FLRT1: variants seen among roughly 807,000 people sequenced by gnomAD.
FLRT1 encodes the protein fibronectin leucine rich transmembrane protein 1.
A neutral mutation model predicts 30.9 loss-of-function variants in FLRT1; 14 were observed. That is an observed-to-expected ratio of 0.45 (90% CI 0.30 to 0.71). The LOEUF is 0.71. FLRT1 is among the 30% of genes least tolerant of loss of function. FLRT1 has a pLI of 0.08. For missense variants in FLRT1, 737 were observed against 949.2 expected (o/e 0.78, Z 2.94); for synonymous variants, 368 against 430.4 (o/e 0.85, Z 1.80).
chr11:64,084,390 C>T (rs998984183), intron 1 of FLRT1, among the ~76,000 whole-genome samples: 10 of 152,144 alleles, frequency 6.6e-5, no homozygotes, highest in African/African-American at 1.4e-4. Context: ...GCTCTGCCCC[C>T]GCTGCCTGAG....
At position 64,117,515 on chromosome 11, in the gene FLRT1, G is replaced by A; in HGVS notation, c.1248G>A (p.Arg416=). The change falls in exon 3 of 3, where the codon AGG becomes AGA. Residue 416 remains arginine, a synonymous_variant. Coordinates refer to ENST00000682287, the MANE Select transcript of FLRT1 (RefSeq NM_013280.5). ...QGSLFTLKAK[R]PGLRLPDSNI... ...CCCTGTTTACCCTCAAGGCCAAAAG[G>A]CCAGGGCTGCGCCTCCCCGACTCCA... 6.2e-7 allele frequency: 1 copy of A among 1,606,922 alleles called. No homozygotes were observed. Among genetic ancestry groups the A allele is most frequent in the Non-Finnish European group, 8.5e-7 (1 of 1,175,400 alleles).
chr11:64,086,696 AGG>A (rs1375190744), intron 1 of FLRT1, among the ~76,000 whole-genome samples: 1 of 152,134 alleles, frequency 6.6e-6, no homozygotes, highest in Non-Finnish European at 1.5e-5. Flanking sequence ...GAAGACAGAG[AGG>A]GGGAGAAGGG....
rs143933813 is a variant in FLRT1 at position 64,117,680 on chromosome 11, G to T, written c.1413G>T (p.Leu471=). The stretch of plus-strand genomic sequence containing the variant: ...CTTTCCGGCTCAGTTGGCTGCGCCT[G>T]GGCCACAGCCCAGCCGTGGGCTCCA... ...ASSFRLSWLR[L]GHSPAVGSIT... Residue 471 remains leucine, a synonymous_variant, in exon 3 of 3, where the codon CTG becomes CTT. Transcript: ENST00000682287. 6.6e-5 allele frequency: 106 copies of T among 1,613,552 alleles called. No individual in the cohort carries two copies. The highest frequency in any genetic ancestry group is 1.6e-4 in the South Asian group (15 of 91,078).
chr11:64,077,632 T>C (rs1376258105), intron 1 of FLRT1, among the ~76,000 whole-genome samples: 1 of 151,912 alleles, frequency 6.6e-6, no homozygotes, highest in African/African-American at 2.4e-5. Context: ...ACAGAACTCA[T>C]AGATGGACGC....
Position 64,111,243 on chromosome 11 carries a change from G to A in FLRT1, c.-49-4976G>A, listed in dbSNP as rs528283239. 3.9e-5 allele frequency among the ~76,000 whole-genome samples: 6 copies of A among 152,360 alleles called. No individual in the cohort carries two copies. The East Asian group carries it at 1.2e-3, about 29-fold the overall frequency. The stretch of plus-strand genomic sequence containing the variant: ...CCTACTTAGGGCACTGCTCAGAACA[G>A]CTGAGTACAAAGGCCACCTGTATCC... On this transcript the variant is annotated intron_variant, in intron 2 of 2. Coordinates refer to ENST00000682287, the MANE Select transcript of FLRT1 (RefSeq NM_013280.5).
chr11:64,050,791 G>T (rs1452741388), intron 1 of FLRT1, among the ~76,000 whole-genome samples: 1 of 152,204 alleles, frequency 6.6e-6, no homozygotes, highest in Non-Finnish European at 1.5e-5. Flanking sequence ...GCTAATTTTT[G>T]TATTTCTAGT....
chr11:64,100,424 G>A (rs537093153), intron 1 of FLRT1, among the ~76,000 whole-genome samples: 1 of 152,246 alleles, frequency 6.6e-6, no homozygotes, highest in South Asian at 2.1e-4. Context: ...TCAAAAAATG[G>A]TTTATTGGTT....
rs1361596879 is a variant in FLRT1, at chr11:64,090,473, T to TGGA, written c.-1037-12706_-1037-12704dup. Among the ~76,000 whole-genome samples the TGGA allele has an allele frequency of 2.6e-5, 4 of 151,590 alleles. No homozygotes were observed. Among genetic ancestry groups the TGGA allele is most frequent in the South Asian group, 4.2e-4 (2 of 4,774 alleles). ...ATAATTTACGAGGCAGCCCCTGAGG[T>TGGA]GGAGGAGGAGGAGGAGGCCAAATAA... On this transcript the variant is annotated intron_variant, in intron 1 of 2. Coordinates refer to ENST00000682287, the MANE Select transcript of FLRT1 (RefSeq NM_013280.5). The surrounding 1 kb of genome is among the most constrained non-coding windows in gnomAD (Gnocchi z 4.7).
chr11:64,085,125 G>A (rs1053418754), intron 1 of FLRT1, among the ~76,000 whole-genome samples: 3 of 152,256 alleles, frequency 2.0e-5, no homozygotes, highest in African/African-American at 7.2e-5. Context: ...TGGGGCACCA[G>A]GGAGGATTGG....
intron 1 of FLRT1, among the ~76,000 whole-genome samples, chr11:64,088,285 G>A (rs903027038): frequency 1.3e-5 from 2 of 152,194 alleles, no homozygotes; most frequent in African/African-American, 4.8e-5. Flanking sequence ...CCAGGAGATG[G>A]GGGGACCTTG....
chr11:64,074,596 A>G (rs1944168523), intron 1 of FLRT1, among the ~76,000 whole-genome samples: 1 of 152,204 alleles, frequency 6.6e-6, no homozygotes, highest in Non-Finnish European at 1.5e-5. Context: ...CCTCCGTGGC[A>G]GCCCTTCTCC....
intron 2 of FLRT1, among the ~76,000 whole-genome samples, chr11:64,112,445 C>T (rs992056949): frequency 6.6e-6 from 1 of 152,098 alleles, no homozygotes; most frequent in African/African-American, 2.4e-5. Context: ...ACCTGGGAGG[C>T]GGAGGTTGTA....
intron 1 of FLRT1, among the ~76,000 whole-genome samples, chr11:64,071,981 C>G (rs1392975500): frequency 6.6e-6 from 1 of 152,250 alleles, no homozygotes; most frequent in Non-Finnish European, 1.5e-5. Flanking sequence ...GGGGAACGGG[C>G]TGGCTCCTGA....
intron 1 of FLRT1, among the ~76,000 whole-genome samples, chr11:64,055,462 C>T (rs1943768208): frequency 1.3e-5 from 2 of 151,940 alleles, no homozygotes; most frequent in Admixed American, 6.5e-5. Flanking sequence ...GCTCCTGGGG[C>T]CCAGGGTCTG....
At chr11:64,086,154 A>G (rs1944390914) in intron 1 of FLRT1, among the ~76,000 whole-genome samples, 1 of 152,156 alleles carries the variant, frequency 6.6e-6, no homozygotes, top group Non-Finnish European at 1.5e-5. Flanking sequence ...ACAGCCATTC[A>G]GGGGAAGCCG....
chr11:64,095,686 C>A (rs1199087932), intron 1 of FLRT1, among the ~76,000 whole-genome samples: 1 of 152,178 alleles, frequency 6.6e-6, no homozygotes, highest in African/African-American at 2.4e-5. Context: ...CAGCTCACAG[C>A]GGAGGTCTGA....
In FLRT1 at chr11:64,082,169, G is replaced by A. The variant is rs1944315809; in HGVS notation, c.-1037-21025G>A. ...CTCCCGGGAGGGAGGCCAGAGCCAG[G>A]AGCAGGCCAGAGCCAGGAGCAGGCG... On this transcript the variant is annotated intron_variant, in intron 1 of 2. Coordinates refer to ENST00000682287, the MANE Select transcript of FLRT1 (RefSeq NM_013280.5). This position sits in a 1 kb window ranked among gnomAD's most constrained non-coding sequence, Gnocchi z 4.5. The A allele has an allele frequency of 6.6e-6, 1 of 152,272 alleles. No homozygotes were observed. The highest frequency in any genetic ancestry group is 1.5e-5 in the Non-Finnish European group (1 of 68,162). 9.4% of individuals were successfully genotyped at this position (152,272 alleles called of 1,614,324 possible). A position where few individuals can be genotyped will look rare whatever the true frequency, so the allele number is the denominator to read the frequency against.
At chr11:64,063,826 C>CT (rs1943948215) in intron 1 of FLRT1, among the ~76,000 whole-genome samples, 1 of 152,230 alleles carries the variant, frequency 6.6e-6, no homozygotes, top group African/African-American at 2.4e-5. Context: ...CACCTTCACT[C>CT]TAACAATGCA....
At chr11:64,106,001 G>GTAGGAAAGTGAGGATCACC (rs1258970528) in intron 2 of FLRT1, among the ~76,000 whole-genome samples, 7 of 152,130 alleles carry the variant, frequency 4.6e-5, no homozygotes, top group Non-Finnish European at 1.0e-4. Flanking sequence ...AAGGCCCTCT[G>GTAGGAAAGTGAGGATCACC]TAGGAAAGTG....
Sources: gnomAD v4.1 joint callset for allele counts (sites outside exome capture counted in the v4.1 genomes callset) on GRCh38, gnomAD v4.1.1 for gene constraint, Gnocchi (gnomAD v3.1) non-coding constraint, MANE v1.5 for transcripts, NCBI Gene and HGNC (gene_info 2026-07-23, HGNC 2026-07-21) for gene names.